Variants in RPUSD1 observed in about 807,000 individuals in gnomAD.
The protein encoded by RPUSD1 is RNA pseudouridine synthase domain containing 1, also known as pseudouridylate synthase RPUSD1.
Under a neutral mutation model 22.4 loss-of-function variants are expected in RPUSD1, and 28 were observed. The ratio of observed to expected loss-of-function variants is 1.25; its 90% CI spans 0.93 to 1.72. The LOEUF is 1.72. Ranked by LOEUF, RPUSD1 falls within the 40% of genes most tolerant of loss-of-function variation. The pLI is 0.00. For missense variants in RPUSD1, 596 were observed against 442.2 expected, an observed-to-expected ratio of 1.35 and a Z score of -3.12; for synonymous variants, 298 against 201.0, an observed-to-expected ratio of 1.48 and a Z score of -4.08.
rs996513835 is a variant in RPUSD1 at position 786,456 on chromosome 16, C to T, written c.512-79G>A. On this transcript the variant is annotated intron_variant, in intron 5 of 5. Coordinates refer to ENST00000007264, the MANE Select transcript of RPUSD1 (RefSeq NM_058192.3). ...TATCTCCCTGACCAGGACCCACCTCCCGTCATGACCCCGCTGCAGTCTTGA... is the reference window on the plus strand; with the variant it reads ...TATCTCCCTGACCAGGACCCACCTCTCGTCATGACCCCGCTGCAGTCTTGA... 1.1e-5 allele frequency: 16 copies of T among 1,405,450 alleles called. No individual in the cohort carries two copies. The Admixed American group carries it at 1.7e-4, about 15-fold the overall frequency. The allele number at this position is 1,405,450 out of a possible 1,614,324, so 87.1% of individuals were successfully genotyped here.
rs779519183 is a variant in RPUSD1 at position 786,117 on chromosome 16, G to C, written c.772C>G (p.Pro258Ala). Residue 258 changes from proline to alanine, a missense_variant, in exon 6 of 6, where the codon CCC becomes GCC. Pro to Ala is a conservative substitution (Grantham distance 27, BLOSUM62 -1). Coordinates refer to ENST00000007264, the MANE Select transcript of RPUSD1 (RefSeq NM_058192.3). ...CCCCTATCCTCGGGGTCAGGGTCGG[G>C]GGTGGCCCGTAAGGCCTGCACGAGC... ...DQLVQALRAT[P>A]DPDPEDRGPR... 1.3e-6 allele frequency: 2 copies of C among 1,598,238 alleles called. No individual in the cohort carries two copies. Among genetic ancestry groups the C allele is most frequent in the African/African-American group, 1.3e-5 (1 of 74,708 alleles).
chr16:785,841 A>C lies in RPUSD1; in HGVS notation c.*109T>G. On this transcript the variant is annotated 3_prime_UTR_variant, in exon 6 of 6. Transcript: ENST00000007264. ...TGGCCGGGGCAACCCAGTGGGCCTG[A>C]TGCTGCCTGGCACCTCGAGGCCCCA... 2.9e-6 allele frequency: 3 copies of C among 1,048,382 alleles called. No individual in the cohort carries two copies. 64.9% of individuals were successfully genotyped at this position (1,048,382 alleles called of 1,614,324 possible). A position where few individuals can be genotyped will look rare whatever the true frequency, so the allele number is the denominator to read the frequency against.
At chr16:786,770 C>T (rs747335127) in intron 5 of RPUSD1, 57 bp downstream of exon 5, 17 of 1,416,760 alleles carry the variant, frequency 1.2e-5, no homozygotes, top group Admixed American at 6.7e-5. Flanking sequence ...AGCTTCGTGG[C>T]CCTGTGCCTC....
Position 786,108 on chromosome 16 carries a change from C to G in RPUSD1, c.781G>C (p.Asp261His), listed in dbSNP as rs1467394242. 3 of 1,588,960 alleles carry G rather than the reference C, an allele frequency of 1.9e-6. No homozygotes were observed. The highest frequency in any genetic ancestry group is 1.7e-5 in the Admixed American group (1 of 59,128). Reference protein sequence around the residue: ...VQALRATPDPDPEDRGPRPGS... With the variant: ...VQALRATPDPHPEDRGPRPGS... The stretch of plus-strand genomic sequence containing the variant: ...GGCCTGGGGCCCCTATCCTCGGGGT[C>G]AGGGTCGGGGGTGGCCCGTAAGGCC... Residue 261 changes from aspartate to histidine, a missense_variant, in exon 6 of 6, where the codon GAC becomes CAC. By Grantham distance (81) the Asp-to-His change is moderately conservative. Transcript: ENST00000007264.
At chr16:787,815 C>A (rs2042006505) in intron 1 of RPUSD1, 71 bp from the exon 2 acceptor site, 3 of 1,496,376 alleles carry the variant, frequency 2.0e-6, no homozygotes, top group Non-Finnish European at 1.8e-6. Context: ...ACAGAGGTAC[C>A]CGCACCGCCC....
rs766828606 is a variant in RPUSD1 at position 786,261 on chromosome 16, C to T, written c.628G>A (p.Ala210Thr). 1.3e-4 allele frequency: 205 copies of T among 1,612,656 alleles called. 1 individual carries two copies. The highest frequency in any genetic ancestry group is 1.7e-4 in the Non-Finnish European group (200 of 1,179,952). The change falls in exon 6 of 6, where the codon GCT becomes ACT. Residue 210 changes from alanine (A) to threonine (T), a missense_variant. Physicochemically the swap from Ala to Thr is moderately conservative, Grantham distance 58. Coordinates refer to ENST00000007264, the MANE Select transcript of RPUSD1 (RefSeq NM_058192.3). ...EDRPFRMMLH[A>T]FYLRIPTDTE... ...TCCGTGGGGATGCGCAGGTAGAAAG[C>T]GTGCAGCATCATTCTGAACGGCCGG...
At position 786,159 on chromosome 16, in the gene RPUSD1, G is replaced by A. The variant is rs1430475624; in HGVS notation, c.730C>T (p.Leu244=). 1.2e-6 allele frequency: 2 copies of A among 1,611,996 alleles called. No individual in the cohort carries two copies. Among genetic ancestry groups the A allele is most frequent in the South Asian group, 2.2e-5 (2 of 91,078 alleles). Residue 244 remains leucine (L), a synonymous_variant, in exon 6 of 6, where the codon CTG becomes TTG. Coordinates refer to ENST00000007264, the MANE Select transcript of RPUSD1 (RefSeq NM_058192.3). The part of the protein sequence containing the change: ...LDACWSPHTL[L]QSLDQLVQAL... Reference sequence around the variant, plus strand: ...TGCACGAGCTGGTCCAGCGACTGCAGCAGTGTGTGGGGGCTCCAGCAGGCA... The same window carrying A: ...TGCACGAGCTGGTCCAGCGACTGCAACAGTGTGTGGGGGCTCCAGCAGGCA...
At chr16:787,834 C>G in intron 1 of RPUSD1, 90 bp from the exon 2 acceptor site, 1 of 1,409,276 alleles carries the variant, frequency 7.1e-7, no homozygotes, top group Non-Finnish European at 9.6e-7. Flanking sequence ...CCCACCCGGG[C>G]TCCGGTGCGA....
In RPUSD1 at chr16:786,152, G is replaced by A. The variant is rs147626249; in HGVS notation, c.737C>T (p.Ser246Leu). The change falls in exon 6 of 6, where the codon TCG becomes TTG. Residue 246 changes from serine to leucine, a missense_variant. Physicochemically the swap from Ser to Leu is moderately radical, Grantham distance 145. Transcript: ENST00000007264. ...TAAGGCCTGCACGAGCTGGTCCAGC[G>A]ACTGCAGCAGTGTGTGGGGGCTCCA... ...ACWSPHTLLQSLDQLVQALRA... is the reference protein window; with the variant it reads ...ACWSPHTLLQLLDQLVQALRA... 19 of 1,610,896 alleles carry A rather than the reference G, an allele frequency of 1.2e-5. No homozygotes were observed. In the Admixed American group the frequency reaches 1.3e-4, roughly 11 times the overall value.
Position 786,393 on chromosome 16 carries a change from G to C in RPUSD1, c.512-16C>G, listed in dbSNP as rs751592719. On this transcript the variant is annotated splice_polypyrimidine_tract_variant and intron_variant, in intron 5 of 5. Transcript: ENST00000007264. ...TGTGTCCGGCCTGCGGGATGAGGGC[G>C]GTGCCGGATCAAGCTGGGAGCGGGG... is the stretch of plus-strand genomic sequence containing the variant. The C allele has an allele frequency of 1.9e-6, 3 of 1,594,510 alleles. No homozygotes were observed. The highest frequency in any genetic ancestry group is 2.2e-5 in the East Asian group (1 of 44,504).
rs372585826 is a variant in RPUSD1 at position 787,615 on chromosome 16, C to T, written c.123G>A (p.Gln41=). The T allele has an allele frequency of 1.2e-6, 2 of 1,611,832 alleles. No homozygotes were observed. The highest frequency in any genetic ancestry group is 2.2e-5 in the South Asian group (2 of 91,090). The change falls in exon 2 of 6, where the codon CAG becomes CAA. Residue 41 remains glutamine (Q), a synonymous_variant. Transcript: ENST00000007264. ...CGGGAAAGCGGTACCGCAGCTGCTT[C>T]TGCAGGGTCAGAGTCTCCCGCCACG... ...SKAWRETLTL[Q]KQLRYRFPEL...
intron 5 of RPUSD1, 36 bp downstream of exon 5, chr16:786,789 TTC>T (rs764292750): frequency 3.8e-5 from 59 of 1,550,950 alleles, no homozygotes; most frequent in Non-Finnish European, 4.9e-5. Context: ...TCAGTTTCCC[TTC>T]TGTCACCACC....
In RPUSD1 at chr16:787,570, G is replaced by C; in HGVS notation, c.168C>G (p.Thr56=). 1.2e-6 allele frequency: 2 copies of C among 1,610,986 alleles called. No individual in the cohort carries two copies. The highest frequency in any genetic ancestry group is 1.7e-6 in the Non-Finnish European group (2 of 1,179,848). The change falls in exon 2 of 6, where the codon ACC becomes ACG. Residue 56 remains threonine (T), a synonymous_variant. Transcript: ENST00000007264. ...YRFPELADPD[T]CYGFRFCHQL... ...GCCCCCCCTACCTGAACCCGTAGCA[G>C]GTGTCAGGGTCGGCCAGCTCGGGAA...
rs1386782548 is a variant in RPUSD1, at chr16:786,925, C to A, written c.413G>T (p.Cys138Phe). ...HTMCIEGSQG[C>F]ENPKPSLTDL... The stretch of plus-strand genomic sequence containing the variant: ...TGTGAGGCTTGGCTTTGGGTTCTCA[C>A]AACCTGGGGCGCAGAAGGCAGGTGT... The change falls in exon 5 of 6, where the codon TGT (cysteine) becomes TTT (phenylalanine). Residue 138 changes from cysteine (C) to phenylalanine (F), a missense_variant. Coordinates refer to ENST00000007264, the MANE Select transcript of RPUSD1 (RefSeq NM_058192.3). 6.2e-7 allele frequency: 1 copy of A among 1,612,638 alleles called. No homozygotes were observed.
chr16:786,361 C>T lies in RPUSD1; in HGVS notation c.528G>A (p.Leu176=), dbSNP rs1029058798. 15 of 1,607,742 alleles carry T rather than the reference C, an allele frequency of 9.3e-6. No individual in the cohort carries two copies. The highest frequency in any genetic ancestry group is 1.3e-5 in the Non-Finnish European group (15 of 1,176,422). ...GGCCCAGGGCACTGCAGTGCACGCGCAGCTGGTGTGTCCGGCCTGCGGGAT... is the reference window on the plus strand; with the variant it reads ...GGCCCAGGGCACTGCAGTGCACGCGTAGCTGGTGTGTCCGGCCTGCGGGAT... ...LKPLTGRTHQ[L]RVHCSALGHP... is the part of the protein sequence containing the mutation. The change falls in exon 6 of 6, where the codon CTG becomes CTA. Residue 176 remains leucine, a synonymous_variant. Coordinates refer to ENST00000007264, the MANE Select transcript of RPUSD1 (RefSeq NM_058192.3).
chr16:787,846 G>A, intron 1 of RPUSD1, 102 bp from the exon 2 acceptor site: 1 of 1,259,188 alleles, frequency 7.9e-7, no homozygotes, highest in South Asian at 1.4e-5. Flanking sequence ...CCGGTGCGAA[G>A]CCACCGAGCC....
At chr16:786,973 G>A (rs2041950034) in intron 4 of RPUSD1, 45 bp from the exon 5 acceptor site, 2 of 1,594,878 alleles carry the variant, frequency 1.3e-6, no homozygotes, top group Non-Finnish European at 1.7e-6. Context: ...ACTGACCCGG[G>A]GCCCAGGCCC....
rs2151632581 is a variant in RPUSD1 at position 786,842 on chromosome 16, G to C, written c.496C>G (p.Leu166Val). The C allele has an allele frequency of 6.2e-7, 1 of 1,613,074 alleles. No individual in the cohort carries two copies. Among genetic ancestry groups the C allele is most frequent in the South Asian group, 1.1e-5 (1 of 91,076 alleles). The change falls in exon 5 of 6, where the codon CTG becomes GTG. Residue 166 changes from leucine to valine, a missense_variant. By Grantham distance (32) the Leu-to-Val change is conservative (BLOSUM62 1). Transcript: ENST00000007264. The part of the protein sequence containing the change: ...YAGDPVSKVL[L>V]KPLTGRTHQL... ...CCAGACACACCCGTGAGCGGCTTCAGCAGCACTTTGGAGACAGGATCGCCT... is the reference window on the plus strand; with the variant it reads ...CCAGACACACCCGTGAGCGGCTTCACCAGCACTTTGGAGACAGGATCGCCT...
At chr16:786,780 C>T (rs749471327) in intron 5 of RPUSD1, 47 bp downstream of exon 5, 2 of 1,496,720 alleles carry the variant, frequency 1.3e-6, no homozygotes, top group South Asian at 1.1e-5. Flanking sequence ...CCCTGTGCCT[C>T]AGTTTCCCTT....
Sources: gnomAD v4.1 joint callset for allele counts on GRCh38, gnomAD v4.1.1 for gene constraint, MANE v1.5 for transcripts, NCBI Gene and HGNC (gene_info 2026-07-23, HGNC 2026-07-21) for gene names.